IGF2BP3: variants seen among roughly 807,000 people sequenced by gnomAD.
IGF2BP3 encodes the protein insulin like growth factor 2 mRNA binding protein 3.
In IGF2BP3, 9 loss-of-function variants were observed where a neutral mutation model predicts 73.8. The observed-to-expected ratio is 0.12, with a 90% CI of 0.07 to 0.21. The LOEUF is 0.21. IGF2BP3 is among the 10% of genes least tolerant of loss of function. The pLI is 1.00. For missense variants in IGF2BP3, 542 were observed against 714.0 expected (o/e 0.76, Z 2.75); for synonymous variants, 258 against 256.7 (o/e 1.01, Z -0.05).
chr7:23,354,567 G>A (rs749298296), intron 5 of IGF2BP3, among the ~76,000 whole-genome samples: 5 of 152,170 alleles, frequency 3.3e-5, no homozygotes, highest in Non-Finnish European at 7.3e-5. Flanking sequence ...AGGTACACAC[G>A]TCAGTTACCA....
intron 10 of IGF2BP3, among the ~76,000 whole-genome samples, chr7:23,340,012 G>A (rs1001259275): frequency 4.6e-5 from 7 of 152,126 alleles, no homozygotes; most frequent in Non-Finnish European, 8.8e-5. Flanking sequence ...AAAGGCTTTA[G>A]ACACAATTCT....
Position 23,319,163 on chromosome 7 carries a change from G to C in IGF2BP3, c.1295C>G (p.Ser432Cys). The C allele has an allele frequency of 6.2e-7, 1 of 1,613,716 alleles. No homozygotes were observed. The highest frequency in any genetic ancestry group is 1.3e-5 in the African/African-American group (1 of 75,038). ...GKQGQHIKQL[S>C]RFAGASIKIA... The stretch of plus-strand genomic sequence containing the variant: ...CTTAATTGAAGCTCCAGCAAAGCGA[G>C]AAAGCTGCTTGATGTGCTGGCCCTG... The change falls in exon 11 of 15, where the codon TCT becomes TGT. Residue 432 changes from serine to cysteine, a missense_variant. By Grantham distance (112) the Ser-to-Cys change is moderately radical (BLOSUM62 -1). This residue lies in a region of IGF2BP3 where 303 missense variants were observed against 472.1 expected (regional missense o/e 0.64). Coordinates refer to ENST00000258729, the MANE Select transcript of IGF2BP3 (RefSeq NM_006547.3).
At chr7:23,417,490 T>A (rs1787224782) in intron 3 of IGF2BP3, among the ~76,000 whole-genome samples, 2 of 152,112 alleles carry the variant, frequency 1.3e-5, no homozygotes, top group Non-Finnish European at 2.9e-5. Flanking sequence ...TTCTCTAAAT[T>A]TGAAGAGATT....
At chr7:23,461,631 C>T (rs1788452087) in intron 2 of IGF2BP3, among the ~76,000 whole-genome samples, 1 of 152,160 alleles carries the variant, frequency 6.6e-6, no homozygotes, top group Admixed American at 6.5e-5. Context: ...TACAGCTATA[C>T]AGAGAATAGC....
At chr7:23,384,835 G>A (rs1030328708) in intron 3 of IGF2BP3, among the ~76,000 whole-genome samples, 9 of 152,162 alleles carry the variant, frequency 5.9e-5, no homozygotes, top group African/African-American at 9.7e-5. Flanking sequence ...AGGTTGTAGT[G>A]AGCCAGGATC....
At chr7:23,342,589 T>C (rs1022439465) in intron 9 of IGF2BP3, among the ~76,000 whole-genome samples, 3 of 152,138 alleles carry the variant, frequency 2.0e-5, no homozygotes, top group Non-Finnish European at 4.4e-5. Context: ...AACCAGCTAT[T>C]AAGAGATCTT....
chr7:23,419,051 T>TA (rs1787272083), intron 2 of IGF2BP3, among the ~76,000 whole-genome samples: 2 of 152,222 alleles, frequency 1.3e-5, no homozygotes, highest in Non-Finnish European at 2.9e-5. Context: ...TGACTTATTT[T>TA]AAAAGCCACT....
intron 5 of IGF2BP3, among the ~76,000 whole-genome samples, chr7:23,359,135 C>A (rs561961649): frequency 6.6e-6 from 1 of 152,202 alleles, no homozygotes; most frequent in Non-Finnish European, 1.5e-5. Context: ...TTAACAACTA[C>A]GCTAAAGAAT....
rs564156256 is a variant in IGF2BP3 at position 23,465,467 on chromosome 7, A to G, written c.236+3015T>C. 9.2e-5 allele frequency among the ~76,000 whole-genome samples: 14 copies of G among 152,290 alleles called. 1 individual carries two copies. In the South Asian group the frequency reaches 2.9e-3, roughly 32 times the overall value. On this transcript the variant is annotated intron_variant, in intron 2 of 14. Transcript: ENST00000258729. ...TTCCACATTCCCTTGAGACCTCAGT[A>G]ATTGGGAGCTAAGCTTGGTCTGAAC...
chr7:23,412,212 GCCTCAAGTGATTTGCCTGCCTCAGCCT>G (rs1787047152), intron 3 of IGF2BP3, among the ~76,000 whole-genome samples: 1 of 151,792 alleles, frequency 6.6e-6, no homozygotes, highest in Admixed American at 6.6e-5. Context: ...CAAACTCCTG[GCCTCAAGTGATTTGCCTGCCTCAGCCT>G]CCCAAAGTGC....
intron 5 of IGF2BP3, among the ~76,000 whole-genome samples, chr7:23,360,147 A>G (rs1785189463): frequency 6.6e-6 from 1 of 151,852 alleles, no homozygotes; most frequent in Non-Finnish European, 1.5e-5. Context: ...GCTGATGGAA[A>G]TTTAAACTAG....
intron 10 of IGF2BP3, among the ~76,000 whole-genome samples, chr7:23,321,613 G>A (rs1445616525): frequency 6.6e-6 from 1 of 152,216 alleles, no homozygotes; most frequent in East Asian, 1.9e-4. Flanking sequence ...CTCCACCTCT[G>A]GGGGCAGGGC....
At chr7:23,314,493 T>C (rs144856204) in intron 12 of IGF2BP3, among the ~76,000 whole-genome samples, 1,561 of 152,088 alleles carry the variant, frequency 0.01, 22 homozygotes, top group African/African-American at 0.035. Flanking sequence ...CTAATTTTTA[T>C]AGAGATGGGG....
At chr7:23,421,909 G>A (rs780569918) in intron 2 of IGF2BP3, among the ~76,000 whole-genome samples, 5 of 151,798 alleles carry the variant, frequency 3.3e-5, no homozygotes, top group South Asian at 2.1e-4. Context: ...CTCTTCCTCC[G>A]GAGTAGCTGG....
At chr7:23,384,095 C>CAA (rs35378177) in intron 3 of IGF2BP3, among the ~76,000 whole-genome samples, 1,169 of 62,252 alleles carry the variant, frequency 0.019, 16 homozygotes, top group Non-Finnish European at 0.024. Flanking sequence ...GACTCCATCT[C>CAA]AAAAAAAAAA....
At chr7:23,462,559 T>G (rs1788475519) in intron 2 of IGF2BP3, among the ~76,000 whole-genome samples, 1 of 152,102 alleles carries the variant, frequency 6.6e-6, no homozygotes, top group East Asian at 1.9e-4. Context: ...AGACGGGGTT[T>G]CACCGTGTTA....
intron 3 of IGF2BP3, among the ~76,000 whole-genome samples, chr7:23,368,312 AAGAG>A (rs1301754805): frequency 1.3e-5 from 2 of 149,182 alleles, no homozygotes; most frequent in African/African-American, 5.0e-5. Flanking sequence ...GAAAGAGAGA[AAGAG>A]AGAGAGAAAG....
chr7:23,449,890 T>C (rs1189997054), intron 2 of IGF2BP3, among the ~76,000 whole-genome samples: 1 of 152,056 alleles, frequency 6.6e-6, no homozygotes, highest in East Asian at 1.9e-4. Flanking sequence ...AAACCACACA[T>C]TAGAGCAGAG....
At chr7:23,341,249 T>C (rs552399865) in intron 10 of IGF2BP3, among the ~76,000 whole-genome samples, 1 of 152,252 alleles carries the variant, frequency 6.6e-6, no homozygotes, top group Non-Finnish European at 1.5e-5. Context: ...AACTATCTTA[T>C]CTCTTTGGTT....
Sources: gnomAD v4.1 joint callset for allele counts (sites outside exome capture counted in the v4.1 genomes callset) on GRCh38, gnomAD v4.1.1 for gene constraint, gnomAD v4.1.1 regional missense constraint, MANE v1.5 for transcripts, NCBI Gene and HGNC (gene_info 2026-07-23, HGNC 2026-07-21) for gene names.